Variants in GOLIM4 observed in about 807,000 individuals in gnomAD.
The protein encoded by GOLIM4 is 130 kDa golgi-localized phosphoprotein.
GOLIM4 carries 71 observed loss-of-function variants against 107.4 expected under a neutral mutation model. The ratio of observed to expected loss-of-function variants is 0.66; its 90% confidence interval spans 0.55 to 0.81. The LOEUF (loss-of-function observed/expected upper bound fraction) is 0.81. GOLIM4 is among the 30% of genes least tolerant of loss of function. The pLI, the probability that GOLIM4 is intolerant of heterozygous loss-of-function variation, is 0.00. For missense variants in GOLIM4, 830 were observed against 826.1 expected, an observed-to-expected ratio of 1.00 and a Z score of -0.06; for synonymous variants, 327 against 294.8, an observed-to-expected ratio of 1.11 and a Z score of -1.12.
chr3:168,058,458 T>C (rs1720095775), intron 1 of GOLIM4, among the ~76,000 whole-genome samples: 1 of 152,238 alleles, frequency 6.6e-6, no homozygotes, highest in Non-Finnish European at 1.5e-5. Flanking sequence ...TGAAGTCTAT[T>C]CACTTCTCAT....
At chr3:168,019,961 A>C (rs867477684) in intron 14 of GOLIM4, among the ~76,000 whole-genome samples, 1 of 152,162 alleles carries the variant, frequency 6.6e-6, no homozygotes, top group African/African-American at 2.4e-5. Context: ...TACAAAAAAA[A>C]ATGGTCACTT....
chr3:168,032,413 T>A, intron 9 of GOLIM4, 107 bp downstream of exon 9: 1 of 800,450 alleles, frequency 1.2e-6, no homozygotes. Flanking sequence ...TTTAGTAGAA[T>A]CACTCACATT....
At chr3:168,080,373 G>A (rs1442816780) in intron 1 of GOLIM4, among the ~76,000 whole-genome samples, 1 of 152,142 alleles carries the variant, frequency 6.6e-6, no homozygotes, top group Admixed American at 6.5e-5. Flanking sequence ...TGAGAGTTGT[G>A]TTTAACAGAA....
chr3:168,032,975 T>C (rs556076440), intron 8 of GOLIM4, 123 bp from the exon 9 acceptor site: 5 of 718,778 alleles, frequency 7.0e-6, no homozygotes, highest in South Asian at 5.6e-5. Context: ...GAAATATATA[T>C]AGTCCTGGCT....
Position 168,044,838 on chromosome 3 carries a change from T to C in GOLIM4, c.356A>G (p.Gln119Arg). 6.4e-7 allele frequency: 1 copy of C among 1,552,734 alleles called. No individual in the cohort carries two copies. Among genetic ancestry groups the C allele is most frequent in the Non-Finnish European group, 8.8e-7 (1 of 1,140,770 alleles). ...SRYSALNVQH[Q>R]MLKSQHEELK... Reference sequence around the variant, plus strand: ...CTTTAGATTACTCACTTTCAACATCTGATGTTGGACATTCAGTGCACTGTA... The same window carrying C: ...CTTTAGATTACTCACTTTCAACATCCGATGTTGGACATTCAGTGCACTGTA... The change falls in exon 4 of 16, where the codon CAG (glutamine) becomes CGG (arginine). Residue 119 changes from glutamine (Q) to arginine (R), a missense_variant. Physicochemically the swap from Gln to Arg is conservative, Grantham distance 43 (BLOSUM62 1). Coordinates refer to ENST00000470487, the MANE Select transcript of GOLIM4 (RefSeq NM_014498.5).
chr3:168,039,336 C>T (rs1718844761), intron 7 of GOLIM4, among the ~76,000 whole-genome samples: 1 of 150,000 alleles, frequency 6.7e-6, no homozygotes, highest in Non-Finnish European at 1.5e-5. Context: ...AATCTCGGCT[C>T]ACTGCAGCCT....
intron 1 of GOLIM4, among the ~76,000 whole-genome samples, chr3:168,076,735 C>T (rs1721104064): frequency 6.6e-6 from 1 of 152,192 alleles, no homozygotes; most frequent in African/African-American, 2.4e-5. Context: ...TTAATCATAT[C>T]ATCTTTTGCT....
intron 10 of GOLIM4, among the ~76,000 whole-genome samples, chr3:168,029,519 T>C (rs997644770): frequency 6.6e-6 from 1 of 152,186 alleles, no homozygotes; most frequent in Non-Finnish European, 1.5e-5. Flanking sequence ...AAATATCTTT[T>C]AAAGATAAAA....
chr3:168,053,524 T>A (rs1378159279), intron 1 of GOLIM4, among the ~76,000 whole-genome samples: 1 of 152,220 alleles, frequency 6.6e-6, no homozygotes, highest in Non-Finnish European at 1.5e-5. Context: ...ATGAACAAAG[T>A]ATGCTTTTGA....
chr3:168,092,154 A>C (rs1721947959), intron 1 of GOLIM4, among the ~76,000 whole-genome samples: 1 of 152,212 alleles, frequency 6.6e-6, no homozygotes, highest in Admixed American at 6.5e-5. Flanking sequence ...GCTCACTTGA[A>C]AGCAGTTTAA....
chr3:168,095,114 A>AG lies in GOLIM4; in HGVS notation c.171dup (p.Ser58LeufsTer9). 6.2e-7 allele frequency: 1 copy of AG among 1,602,196 alleles called. No homozygotes were observed. Among genetic ancestry groups the AG allele is most frequent in the Non-Finnish European group, 8.5e-7 (1 of 1,171,174 alleles). ...TTAGCCGTACCTTGTAACTGGGCGG[A>AG]GAGGGACTCCTGGTGCTGCTGGTAC... On this transcript the variant is annotated frameshift_variant, in exon 1 of 16. Coordinates refer to ENST00000470487, the MANE Select transcript of GOLIM4 (RefSeq NM_014498.5). LOFTEE classifies it high-confidence loss of function.
chr3:168,023,051 C>A (rs1010196421), intron 14 of GOLIM4, among the ~76,000 whole-genome samples: 1 of 152,088 alleles, frequency 6.6e-6, no homozygotes, highest in African/African-American at 2.4e-5. Context: ...CTCTCCTGTA[C>A]CTTAACTGAT....
intron 7 of GOLIM4, among the ~76,000 whole-genome samples, chr3:168,040,541 T>C (rs1718924343): frequency 6.6e-6 from 1 of 152,230 alleles, no homozygotes; most frequent in African/African-American, 2.4e-5. Flanking sequence ...ATTAGACTAC[T>C]GCATGTAGGG....
chr3:168,025,830 T>C (rs1717964734), intron 12 of GOLIM4, among the ~76,000 whole-genome samples: 1 of 152,198 alleles, frequency 6.6e-6, no homozygotes, highest in South Asian at 2.1e-4. Flanking sequence ...GCCCTTCATA[T>C]TATCAACTTT....
At chr3:168,079,591 A>G (rs543859521) in intron 1 of GOLIM4, among the ~76,000 whole-genome samples, 1 of 152,290 alleles carries the variant, frequency 6.6e-6, no homozygotes, top group Admixed American at 6.5e-5. Flanking sequence ...GTCAAAAACA[A>G]TTTTATTTTA....
At chr3:168,066,641 TAAC>T (rs1362951207) in intron 1 of GOLIM4, among the ~76,000 whole-genome samples, 2 of 152,136 alleles carry the variant, frequency 1.3e-5, no homozygotes, top group Non-Finnish European at 2.9e-5. Flanking sequence ...GTATCAATCA[TAAC>T]AAACTATACT....
intron 1 of GOLIM4, among the ~76,000 whole-genome samples, chr3:168,094,238 G>A (rs767729349): frequency 5.3e-5 from 8 of 152,186 alleles, no homozygotes; most frequent in Non-Finnish European, 7.3e-5. Context: ...TTATGTTTGT[G>A]AAAATTACAT....
Position 168,029,317 on chromosome 3 carries a change from A to C in GOLIM4, c.1434-15T>G. The C allele has an allele frequency of 6.4e-7, 1 of 1,552,832 alleles. No homozygotes were observed. The highest frequency in any genetic ancestry group is 8.9e-7 in the Non-Finnish European group (1 of 1,128,816). The stretch of plus-strand genomic sequence containing the variant: ...GAGCTTGCTGCCTACAAGAGACACA[A>C]ACATGATAAATCCAGTGGGACAAAA... On this transcript the variant is annotated splice_polypyrimidine_tract_variant and intron_variant, in intron 10 of 15. Coordinates refer to ENST00000470487, the MANE Select transcript of GOLIM4 (RefSeq NM_014498.5).
chr3:168,084,207 T>C (rs544095608), intron 1 of GOLIM4, among the ~76,000 whole-genome samples: 57 of 152,290 alleles, frequency 3.7e-4, no homozygotes, highest in Admixed American at 1.0e-3. Context: ...GAGTAAGACA[T>C]GCTTGCTTCC....
Sources: allele counts gnomAD v4.1 joint callset (sites outside exome capture counted in the v4.1 genomes callset), GRCh38; gene constraint gnomAD v4.1.1; transcripts MANE v1.5; gene names NCBI Gene and HGNC (gene_info 2026-07-23, HGNC 2026-07-21).